Variants in PPHLN1 observed in about 807,000 individuals in gnomAD.
The protein encoded by PPHLN1 is periphilin-1.
PPHLN1 carries 29 observed loss-of-function variants against 51.3 expected under a neutral mutation model. That is an observed-to-expected ratio of 0.57 (90% confidence interval 0.42 to 0.77). The LOEUF is 0.77. Ranked by LOEUF, PPHLN1 falls within the 30% of genes least tolerant of loss-of-function variation. PPHLN1 has a pLI of 0.00. For synonymous variants in PPHLN1, 147 were observed against 147.8 expected (o/e 0.99, Z 0.04); for missense variants, 436 against 438.4 (o/e 0.99, Z 0.05).
intron 3 of PPHLN1, among the ~76,000 whole-genome samples, chr12:42,354,088 T>C (rs12227738): frequency 2.6e-5 from 4 of 152,096 alleles, no homozygotes; most frequent in Non-Finnish European, 5.9e-5. Context: ...AATATTGAGA[T>C]GGAAAATGAT....
chr12:42,416,172 C>T (rs958699102), intron 9 of PPHLN1, among the ~76,000 whole-genome samples: 1 of 152,098 alleles, frequency 6.6e-6, no homozygotes, highest in African/African-American at 2.4e-5. Context: ...AAAATCTCGC[C>T]TCCTGTACAA....
At chr12:42,437,222 C>T (rs2082559399) in intron 9 of PPHLN1, among the ~76,000 whole-genome samples, 1 of 152,110 alleles carries the variant, frequency 6.6e-6, no homozygotes, top group Non-Finnish European at 1.5e-5. Context: ...CCCCAAACAC[C>T]GTTTCCTTTT....
intron 8 of PPHLN1, among the ~76,000 whole-genome samples, chr12:42,397,577 G>A (rs1030550765): frequency 1.4e-5 from 2 of 138,540 alleles, no homozygotes; most frequent in African/African-American, 5.3e-5. Flanking sequence ...TACATATTGT[G>A]TATAGGCCTA....
intron 9 of PPHLN1, among the ~76,000 whole-genome samples, chr12:42,426,733 C>T (rs1040188473): frequency 6.6e-6 from 1 of 152,166 alleles, no homozygotes; most frequent in South Asian, 2.1e-4. Flanking sequence ...TCCCCATTCT[C>T]CAAAAATTGT....
At chr12:42,414,237 G>A (rs1196816944) in intron 9 of PPHLN1, among the ~76,000 whole-genome samples, 2 of 151,880 alleles carry the variant, frequency 1.3e-5, no homozygotes, top group Non-Finnish European at 2.9e-5. Context: ...GTTTCACCAC[G>A]TTGGCCAGGC....
downstream of PPHLN1, chr12:42,445,309 C>A: frequency 1.7e-6 from 1 of 575,658 alleles, no homozygotes; most frequent in Non-Finnish European, 3.1e-6. Context: ...TGTCAACTTA[C>A]CCAGAGACTA....
At chr12:42,431,702 GTTTTCTTC>G (rs1413710540) in intron 9 of PPHLN1, 8 of 1,113,292 alleles carry the variant, frequency 7.2e-6, no homozygotes, top group African/African-American at 1.5e-5. Context: ...CTTCTTGACT[GTTTTCTTC>G]TTTTAAGGTA....
chr12:42,442,577 C>G, downstream of PPHLN1: 1 of 1,605,240 alleles, frequency 6.2e-7, no homozygotes, highest in Non-Finnish European at 8.5e-7. Context: ...GCCGGCAGTC[C>G]CCTAGCCATT....
At chr12:42,393,538 G>C (rs1051205930) in intron 7 of PPHLN1, 32 bp from the exon 8 acceptor site, 1 of 1,541,238 alleles carries the variant, frequency 6.5e-7, no homozygotes, top group Non-Finnish European at 8.7e-7. Context: ...AAGCCCTTGA[G>C]AATTGTAACA....
chr12:42,435,517 G>T (rs192955939), intron 9 of PPHLN1, among the ~76,000 whole-genome samples: 34 of 152,228 alleles, frequency 2.2e-4, no homozygotes, highest in African/African-American at 7.5e-4. Flanking sequence ...GACACCTTCT[G>T]CATTACTATA....
At chr12:42,446,661 G>C (rs763528388), downstream of PPHLN1, 5 of 1,583,810 alleles carry the variant, frequency 3.2e-6, no homozygotes, top group Non-Finnish European at 4.3e-6. Flanking sequence ...ATCTGTACTC[G>C]TCAATCAACA....
chr12:42,433,346 T>A (rs1227863995), intron 9 of PPHLN1: 2 of 531,612 alleles, frequency 3.8e-6, no homozygotes, highest in Non-Finnish European at 7.1e-6. Context: ...CAAAAGCAAC[T>A]GTAAGGGAGT....
chr12:42,377,204 T>C (rs1012031712), intron 5 of PPHLN1, among the ~76,000 whole-genome samples: 18 of 151,936 alleles, frequency 1.2e-4, no homozygotes, highest in South Asian at 2.1e-4. Context: ...AGCCAAAAGA[T>C]TGGACACCCC....
intron 4 of PPHLN1, among the ~76,000 whole-genome samples, chr12:42,357,000 TA>T (rs1347436203): frequency 6.6e-5 from 10 of 152,322 alleles, no homozygotes; most frequent in African/African-American, 1.9e-4. Context: ...ACTATCAGCA[TA>T]AATTAGAAAA....
intron 4 of PPHLN1, among the ~76,000 whole-genome samples, chr12:42,369,084 A>G (rs1272027336): frequency 6.6e-6 from 1 of 152,174 alleles, no homozygotes; most frequent in Non-Finnish European, 1.5e-5. Flanking sequence ...TTTATATGTT[A>G]TCCGTGGCTG....
chr12:42,396,865 CAAA>C (rs374413083), intron 8 of PPHLN1, among the ~76,000 whole-genome samples: 1 of 94,306 alleles, frequency 1.1e-5, no homozygotes, highest in South Asian at 3.3e-4. Flanking sequence ...CCCATCTGTA[CAAA>C]AAAAAAAAAA....
intron 9 of PPHLN1, among the ~76,000 whole-genome samples, chr12:42,415,751 T>C (rs2080321633): frequency 6.6e-6 from 1 of 152,240 alleles, no homozygotes; most frequent in African/African-American, 2.4e-5. Context: ...TTTAAAAGAA[T>C]GTGTTTCTAA....
chr12:42,409,798 C>A (rs928577239), intron 9 of PPHLN1, among the ~76,000 whole-genome samples: 2 of 151,902 alleles, frequency 1.3e-5, no homozygotes, highest in African/African-American at 4.8e-5. Context: ...AGATAATTGA[C>A]GATTATTTAT....
At chr12:42,386,137 A>G (rs1185011967) in intron 6 of PPHLN1, among the ~76,000 whole-genome samples, 5 of 152,196 alleles carry the variant, frequency 3.3e-5, no homozygotes, top group African/African-American at 4.8e-5. Flanking sequence ...GGAGTCCTCA[A>G]CCTCTGCACA....
Sources: allele counts gnomAD v4.1 joint callset (sites outside exome capture counted in the v4.1 genomes callset), GRCh38; gene constraint gnomAD v4.1.1; transcripts MANE v1.5; gene names NCBI Gene and HGNC (gene_info 2026-07-23, HGNC 2026-07-21).